DARS1: variants seen among roughly 807,000 people sequenced by gnomAD.
DARS1 encodes aspartyl-tRNA synthetase 1, also known as aspartate--tRNA ligase, cytoplasmic.
In DARS1, 51 loss-of-function variants were observed where a neutral mutation model predicts 68.8. That is an observed-to-expected ratio of 0.74 (90% CI 0.59 to 0.94). The LOEUF (loss-of-function observed/expected upper bound fraction) is 0.94. Ranked by LOEUF, DARS1 falls within the 40% of genes least tolerant of loss-of-function variation. DARS1 has a pLI of 0.00. For synonymous variants in DARS1, 203 were observed against 190.4 expected, an observed-to-expected ratio of 1.07 and a Z score of -0.55; for missense variants, 607 against 597.3, an observed-to-expected ratio of 1.02 and a Z score of -0.17.
intron 4 of DARS1, among the ~76,000 whole-genome samples, chr2:135,949,228 A>G: frequency 6.6e-6 from 1 of 152,184 alleles, no homozygotes; most frequent in East Asian, 1.9e-4. Flanking sequence ...ACTACTTTTC[A>G]CATTAATTGT....
chr2:135,916,853 C>T (rs1681016140), intron 10 of DARS1, among the ~76,000 whole-genome samples: 1 of 152,120 alleles, frequency 6.6e-6, no homozygotes. Flanking sequence ...ATGTTTACTG[C>T]ACTGAGCTGA....
intron 3 of DARS1, among the ~76,000 whole-genome samples, chr2:135,978,057 C>G (rs1682537505): frequency 7.1e-6 from 1 of 140,806 alleles, no homozygotes; most frequent in African/African-American, 2.6e-5. Context: ...ACAGGAGAAT[C>G]ACTTGAACCC....
chr2:135,978,142 CAAAAAAAAAAAAA>C (rs59505882), intron 3 of DARS1, among the ~76,000 whole-genome samples: 4 of 54,738 alleles, frequency 7.3e-5, no homozygotes, highest in Non-Finnish European at 1.4e-4. Context: ...GACTCTGTCT[CAAAAAAAAAAAAA>C]AAAAAAAAAA....
At chr2:135,970,923 C>T (rs1421029792) in intron 3 of DARS1, among the ~76,000 whole-genome samples, 1 of 152,066 alleles carries the variant, frequency 6.6e-6, no homozygotes, top group Non-Finnish European at 1.5e-5. Flanking sequence ...CTGAGCAGAC[C>T]AGTAACAAAC....
intron 15 of DARS1, among the ~76,000 whole-genome samples, chr2:135,909,283 TAAAA>T (rs1162264639): frequency 1.3e-5 from 2 of 152,018 alleles, no homozygotes; most frequent in African/African-American, 4.8e-5. Flanking sequence ...TCCCAGAACT[TAAAA>T]AAACAAAAAA....
intron 12 of DARS1, among the ~76,000 whole-genome samples, 174 bp from the exon 13 acceptor site, chr2:135,912,740 A>G (rs1306789910): frequency 5.9e-5 from 9 of 152,130 alleles, no homozygotes; most frequent in African/African-American, 2.2e-4. Flanking sequence ...GCATTTTGCC[A>G]TGGTGTCATA....
At chr2:135,945,064 T>C (rs1334167248) in intron 4 of DARS1, among the ~76,000 whole-genome samples, 1 of 152,148 alleles carries the variant, frequency 6.6e-6, no homozygotes, top group East Asian at 1.9e-4. Flanking sequence ...TAGAAGGCAT[T>C]TGCTGGCCCT....
At chr2:135,942,001 A>G (rs1301616270) in intron 5 of DARS1, among the ~76,000 whole-genome samples, 1 of 152,158 alleles carries the variant, frequency 6.6e-6, no homozygotes, top group Non-Finnish European at 1.5e-5. Flanking sequence ...AAGTCAGGAA[A>G]CAACAGGTGC....
At position 135,932,792 on chromosome 2, in the gene DARS1, A is replaced by G; in HGVS notation, c.555T>C (p.Ile185=). The change falls in exon 7 of 16, where the codon ATT becomes ATC. Residue 185 remains isoleucine (I), a synonymous_variant. Transcript: ENST00000264161. ...NQDTRLDNRV[I]DLRTSTSQAV... ...AATAAATGAGGCATACCCTAAGATC[A>G]ATGACTCTGTTGTCTAATCTTGTAT... is the stretch of plus-strand genomic sequence containing the variant. 4 of 1,308,958 alleles carry G rather than the reference A, an allele frequency of 3.1e-6. No individual in the cohort carries two copies. The highest frequency in any genetic ancestry group is 4.4e-6 in the Non-Finnish European group (4 of 908,760). The allele number at this position is 1,308,958 out of a possible 1,614,324, so 81.1% of individuals were successfully genotyped here.
chr2:135,951,428 C>T (rs1386724724), intron 4 of DARS1, among the ~76,000 whole-genome samples: 1 of 152,194 alleles, frequency 6.6e-6, no homozygotes, highest in African/African-American at 2.4e-5. Flanking sequence ...ATTTTCCTTA[C>T]CCCCACACAT....
At chr2:135,944,189 TA>T (rs1396171729) in intron 4 of DARS1, among the ~76,000 whole-genome samples, 6 of 152,340 alleles carry the variant, frequency 3.9e-5, no homozygotes, top group Admixed American at 6.5e-5. Flanking sequence ...ACACAATGAT[TA>T]TTTTTTTAAT....
intron 10 of DARS1, 105 bp downstream of exon 10, chr2:135,920,348 T>C (rs945070976): frequency 6.9e-7 from 1 of 1,442,736 alleles, no homozygotes; most frequent in East Asian, 2.5e-5. Context: ...TTTATATATA[T>C]GTTCATAGAA....
chr2:135,955,228 T>TA (rs1681946175), intron 4 of DARS1, among the ~76,000 whole-genome samples: 1 of 151,840 alleles, frequency 6.6e-6, no homozygotes, highest in Non-Finnish European at 1.5e-5. Context: ...TATCCTTATA[T>TA]CAACAAAAAC....
chr2:135,917,831 C>T (rs374607496), intron 10 of DARS1, among the ~76,000 whole-genome samples: 2 of 152,200 alleles, frequency 1.3e-5, no homozygotes, highest in East Asian at 3.9e-4. Flanking sequence ...GTCTTACAGG[C>T]TTTCGTGGGA....
At position 135,911,031 on chromosome 2, in the gene DARS1, A is replaced by T. The variant is rs996466758; in HGVS notation, c.1414+108T>A. 1.2e-5 allele frequency: 7 copies of T among 605,784 alleles called. No individual in the cohort carries two copies. The East Asian group carries it at 1.8e-4, about 15-fold the overall frequency. The allele number at this position is 605,784 out of a possible 1,614,324, so 37.5% of individuals were successfully genotyped here. ...TAGCTGTTTATTTTGTTTCTTGGAA[A>T]TCAAATTTTCACTTATGTCGTAATT... On this transcript the variant is annotated intron_variant, in intron 15 of 15. Transcript: ENST00000264161.
chr2:135,910,005 C>G (rs574791950), intron 15 of DARS1, among the ~76,000 whole-genome samples: 5 of 152,280 alleles, frequency 3.3e-5, no homozygotes, highest in African/African-American at 1.2e-4. Flanking sequence ...AGACACACTT[C>G]TGGTCCCAAG....
At chr2:135,910,206 T>C (rs576972141) in intron 15 of DARS1, among the ~76,000 whole-genome samples, 1 of 152,304 alleles carries the variant, frequency 6.6e-6, no homozygotes, top group East Asian at 1.9e-4. Flanking sequence ...CTGAATCATA[T>C]GGTAATTCTC....
rs1024224921 is a variant in DARS1 at position 135,906,175 on chromosome 2, C to G, written c.*1141G>C. On this transcript the variant is annotated 3_prime_UTR_variant, in exon 16 of 16. Coordinates refer to ENST00000264161, the MANE Select transcript of DARS1 (RefSeq NM_001349.4). The stretch of plus-strand genomic sequence containing the variant: ...CTTTCAAACATAATGGGCAGATGTT[C>G]GTGGTCCAGGGGTAACTTCCTAACT... Among the ~76,000 whole-genome samples the G allele has an allele frequency of 3.3e-5, 5 of 152,082 alleles. No individual in the cohort carries two copies. Among genetic ancestry groups the G allele is most frequent in the African/African-American group, 1.2e-4 (5 of 41,400 alleles).
At chr2:135,947,036 C>T (rs1385151380) in intron 4 of DARS1, among the ~76,000 whole-genome samples, 3 of 152,180 alleles carry the variant, frequency 2.0e-5, no homozygotes, top group Non-Finnish European at 2.9e-5. Flanking sequence ...CCTGCCTCTG[C>T]TTCCCAAAGT....
Sources: gnomAD v4.1 joint callset for allele counts (sites outside exome capture counted in the v4.1 genomes callset) on GRCh38, gnomAD v4.1.1 for gene constraint, MANE v1.5 for transcripts, NCBI Gene and HGNC (gene_info 2026-07-23, HGNC 2026-07-21) for gene names.